Variants in MRPL34 observed in about 807,000 individuals in gnomAD.
The protein encoded by MRPL34 is large ribosomal subunit protein bL34m.
In MRPL34, 8 loss-of-function variants were observed where a neutral mutation model predicts 6.7. That is an observed-to-expected ratio of 1.20 (90% CI 0.70 to 2.16). The LOEUF (loss-of-function observed/expected upper bound fraction) is 2.16, where lower values mean the gene tolerates loss of function less well. Among genes scored for constraint, MRPL34 ranks in the 30% most tolerant of loss-of-function variants. The pLI, the probability that MRPL34 is intolerant of heterozygous loss-of-function variation, is 0.00. For missense variants in MRPL34, 146 were observed against 125.5 expected (o/e 1.16, Z -0.78); for synonymous variants, 59 against 55.1 (o/e 1.07, Z -0.31).
chr19:17,295,219 C>T (rs941479074), intron 1 of MRPL34, among the ~76,000 whole-genome samples: 1 of 151,110 alleles, frequency 6.6e-6, no homozygotes, highest in Admixed American at 6.7e-5. Flanking sequence ...CATTCTCCTG[C>T]CTCAGCCTCC....
At chr19:17,292,949 C>CT in intron 1 of MRPL34, 2 of 1,166,828 alleles carry the variant, frequency 1.7e-6, no homozygotes, top group Non-Finnish European at 2.4e-6. Flanking sequence ...CTCCTCCCAT[C>CT]TACCCTGCAT....
intron 1 of MRPL34, among the ~76,000 whole-genome samples, chr19:17,295,559 A>T (rs1322850830): frequency 1.3e-5 from 2 of 151,920 alleles, no homozygotes; most frequent in African/African-American, 4.8e-5. Flanking sequence ...GGCATGCACC[A>T]CCACACCTGG....
At chr19:17,300,129 C>G (rs2145658266), upstream of MRPL34, among the ~76,000 whole-genome samples, 1 of 151,708 alleles carries the variant, frequency 6.6e-6, no homozygotes, top group South Asian at 2.1e-4. Context: ...TGGTCTCAAT[C>G]TTCTGACCTC....
chr19:17,301,185 A>ACTGCCACTGCCG (rs2074116008), upstream of MRPL34: 3 of 1,604,834 alleles, frequency 1.9e-6, no homozygotes, highest in Non-Finnish European at 2.5e-6. Flanking sequence ...GCCGCCCACC[A>ACTGCCACTGCCG]CTGCCACTGC....
At chr19:17,301,545 C>T (rs1394519126), upstream of MRPL34, 8 of 1,608,712 alleles carry the variant, frequency 5.0e-6, no homozygotes, top group East Asian at 2.2e-5. Context: ...CGACGCTCTC[C>T]AGTGGCCCCA....
upstream of MRPL34, among the ~76,000 whole-genome samples, chr19:17,305,255 T>G (rs2145665166): frequency 1.3e-5 from 2 of 150,714 alleles, no homozygotes; most frequent in Middle Eastern, 6.8e-3. Flanking sequence ...TTTTTTTTTT[T>G]TTTTTTGGTT....
chr19:17,306,219 C>T lies in MRPL34; in HGVS notation c.119C>T (p.Thr40Ile), dbSNP rs1474186940. The T allele has an allele frequency of 6.4e-7, 1 of 1,563,260 alleles. No individual in the cohort carries two copies. The highest frequency in any genetic ancestry group is 8.7e-7 in the Non-Finnish European group (1 of 1,154,528). Residue 40 changes from threonine (T) to isoleucine (I), a missense_variant, in exon 2 of 2, where the codon ACC becomes ATC. By Grantham distance (89) the Thr-to-Ile change is moderately conservative. Transcript: ENST00000252602. ...LGFPDAWGLP[T>I]PQQARGKARG... is the part of the protein sequence containing the mutation. Reference sequence around the variant, plus strand: ...TTCCCAGACGCCTGGGGCCTCCCCACCCCGCAGCAGGCCCGGGGCAAGGCT... The same window carrying T: ...TTCCCAGACGCCTGGGGCCTCCCCATCCCGCAGCAGGCCCGGGGCAAGGCT...
intron 1 of MRPL34, among the ~76,000 whole-genome samples, chr19:17,297,430 G>C (rs538997792): frequency 1.4e-4 from 21 of 152,126 alleles, no homozygotes; most frequent in African/African-American, 4.6e-4. Context: ...CAAGTAGCTG[G>C]GATTATAGGC....
upstream of MRPL34, chr19:17,301,587 G>C: frequency 3.2e-6 from 5 of 1,581,176 alleles, no homozygotes; most frequent in Non-Finnish European, 4.3e-6. Flanking sequence ...GCAGGCAACA[G>C]AAGATACCGT....
chr19:17,305,978 T>G (rs753896297), intron 1 of MRPL34, 21 bp downstream of exon 1: 1 of 1,613,698 alleles, frequency 6.2e-7, no homozygotes, highest in East Asian at 2.2e-5. Context: ...AGGGGGACCC[T>G]TCCCCAAATC....
At chr19:17,296,950 C>T (rs1473430167) in intron 1 of MRPL34, among the ~76,000 whole-genome samples, 1 of 152,198 alleles carries the variant, frequency 6.6e-6, no homozygotes, top group East Asian at 1.9e-4. Context: ...CCACCTTGGC[C>T]TCCCAAAGTG....
upstream of MRPL34, among the ~76,000 whole-genome samples, chr19:17,298,614 A>G (rs532839234): frequency 7.9e-5 from 12 of 152,194 alleles, no homozygotes; most frequent in African/African-American, 2.9e-4. Context: ...CATGATCAAC[A>G]CTAGATTGTG....
At chr19:17,292,969 T>G (rs112783028) in intron 1 of MRPL34, 9 of 959,874 alleles carry the variant, frequency 9.4e-6, no homozygotes, top group African/African-American at 5.0e-5. Context: ...TCTCTCCACT[T>G]CCACTCAAGG....
Position 17,306,293 on chromosome 19 carries a change from G to T in MRPL34, c.193G>T (p.Gly65Cys), listed in dbSNP as rs763607327. Residue 65 changes from glycine to cysteine, a missense_variant, in exon 2 of 2, where the codon GGC becomes TGC. Coordinates refer to ENST00000252602, the MANE Select transcript of MRPL34 (RefSeq NM_023937.4). Reference protein sequence around the residue: ...PSNIKRKNKHGWVRRLSTPAG... With the variant: ...PSNIKRKNKHCWVRRLSTPAG... ...CAACATCAAACGCAAGAACAAGCAC[G>T]GCTGGGTCCGGCGCCTGAGCACGCC... 79 of 1,610,008 alleles carry T rather than the reference G, an allele frequency of 4.9e-5. No individual in the cohort carries two copies. Among genetic ancestry groups the T allele is most frequent in the Non-Finnish European group, 5.9e-5 (70 of 1,179,032 alleles).
upstream of MRPL34, chr19:17,298,181 T>C (rs1432803686): frequency 6.6e-6 from 1 of 151,706 alleles, no homozygotes; most frequent in African/African-American, 2.4e-5. Context: ...GCCTCCCAAA[T>C]TGCTGGGATT....
In MRPL34 at chr19:17,305,942, C is replaced by G; in HGVS notation, c.50C>G (p.Ala17Gly). 6.2e-7 allele frequency: 1 copy of G among 1,614,134 alleles called. No homozygotes were observed. Among genetic ancestry groups the G allele is most frequent in the African/African-American group, 1.3e-5 (1 of 75,050 alleles). ...TTGGGCCCCACGAGTAGGTCGGCAG[C>G]GTTGCTGGGTGGCAGGTAAGTCCTC... ...SLLGPTSRSAALLGGRWLQPR... is the reference protein window; with the variant it reads ...SLLGPTSRSAGLLGGRWLQPR... Residue 17 changes from alanine (A) to glycine (G), a missense_variant, in exon 1 of 2, where the codon GCG (alanine) becomes GGG (glycine). Coordinates refer to ENST00000252602, the MANE Select transcript of MRPL34 (RefSeq NM_023937.4).
chr19:17,299,389 G>C (rs1215211983), upstream of MRPL34, among the ~76,000 whole-genome samples: 1 of 151,754 alleles, frequency 6.6e-6, no homozygotes, highest in African/African-American at 2.4e-5. Context: ...GTGAAACCCC[G>C]TCTGTACTAA....
At chr19:17,297,977 C>G (rs1568347569), upstream of MRPL34, 1 of 149,254 alleles carries the variant, frequency 6.7e-6, no homozygotes, top group African/African-American at 2.5e-5. Flanking sequence ...TGCAGTGGCA[C>G]AATCTCGGCT....
upstream of MRPL34, chr19:17,301,332 C>A: frequency 6.2e-7 from 1 of 1,608,616 alleles, no homozygotes. Context: ...GGGCTCGGCC[C>A]AGGTTTTCCA....
Sources: allele counts gnomAD v4.1 joint callset (sites outside exome capture counted in the v4.1 genomes callset), GRCh38; gene constraint gnomAD v4.1.1; transcripts MANE v1.5; gene names NCBI Gene and HGNC (gene_info 2026-07-23, HGNC 2026-07-21).